Variants in RAB38 observed in about 807,000 individuals in gnomAD.
RAB38 encodes the protein ras-related protein Rab-38.
RAB38 carries 15 observed loss-of-function variants against 18.4 expected under a neutral mutation model. The observed-to-expected ratio is 0.82, with a 90% CI of 0.55 to 1.26. The LOEUF is 1.26. Among genes scored for constraint, RAB38 ranks in the 50% most tolerant of loss-of-function variants. RAB38 has a pLI of 0.00. For missense variants in RAB38, 294 were observed against 267.4 expected (o/e 1.10, Z -0.69); for synonymous variants, 101 against 104.4 (o/e 0.97, Z 0.20).
the RAB38 span, among the ~76,000 whole-genome samples, chr11:87,974,756 T>C: frequency 6.6e-3 from 1,007 of 151,548 alleles, 8 homozygotes; most frequent in African/African-American, 0.023. Flanking sequence ...AGAGGGATTA[T>C]TATATAAATT....
chr11:88,164,896 C>G (rs1183774911), intron 1 of RAB38, among the ~76,000 whole-genome samples: 5 of 152,032 alleles, frequency 3.3e-5, no homozygotes, highest in African/African-American at 1.2e-4. Context: ...TCTTTTTATT[C>G]TGATACCAAC....
the RAB38 span, among the ~76,000 whole-genome samples, chr11:87,885,081 G>A: frequency 1.1e-4 from 17 of 152,082 alleles, no homozygotes; most frequent in African/African-American, 4.1e-4. Flanking sequence ...TCTTCATGAT[G>A]ATTTCAACAT....
the RAB38 span, among the ~76,000 whole-genome samples, chr11:88,098,410 T>C: frequency 1.3e-5 from 2 of 151,934 alleles, no homozygotes; most frequent in South Asian, 4.1e-4. Flanking sequence ...AATAAAGTAA[T>C]GTAAGTAGAA....
At chr11:87,922,290 G>T in the RAB38 span, among the ~76,000 whole-genome samples, 1 of 151,938 alleles carries the variant, frequency 6.6e-6, no homozygotes, top group Non-Finnish European at 1.5e-5. Context: ...ACCCTCTAAC[G>T]AGGAGAATTC....
downstream of RAB38, among the ~76,000 whole-genome samples, chr11:88,109,731 A>G (rs939787514): frequency 2.0e-5 from 3 of 152,264 alleles, no homozygotes; most frequent in African/African-American, 7.2e-5. Flanking sequence ...ACTTCTCAAA[A>G]GAAGACATTT....
chr11:88,064,230 T>C, the RAB38 span, among the ~76,000 whole-genome samples: 3 of 152,230 alleles, frequency 2.0e-5, no homozygotes, highest in Non-Finnish European at 2.9e-5. Flanking sequence ...AAAAATGTGA[T>C]GCTCAAAAAG....
At chr11:87,971,877 C>T in the RAB38 span, among the ~76,000 whole-genome samples, 3 of 151,532 alleles carry the variant, frequency 2.0e-5, no homozygotes, top group Admixed American at 6.6e-5. Context: ...TGCACATGTT[C>T]ATTGCTATGC....
chr11:88,140,770 A>G (rs1942902147), intron 2 of RAB38, among the ~76,000 whole-genome samples: 2 of 152,212 alleles, frequency 1.3e-5, no homozygotes, highest in Non-Finnish European at 2.9e-5. Flanking sequence ...CAGAAAAAAA[A>G]TCTCACTATT....
the RAB38 span, among the ~76,000 whole-genome samples, chr11:88,069,244 C>T: frequency 3.0e-4 from 46 of 152,336 alleles, no homozygotes; most frequent in African/African-American, 9.4e-4. Context: ...CCAGCCCACC[C>T]GTGCTGTGCT....
At chr11:87,971,293 G>T in the RAB38 span, among the ~76,000 whole-genome samples, 8 of 152,136 alleles carry the variant, frequency 5.3e-5, no homozygotes, top group African/African-American at 1.9e-4. Context: ...GAATGCTGAA[G>T]TGTTGATGTA....
At chr11:87,838,108 T>G in the RAB38 span, among the ~76,000 whole-genome samples, 1 of 148,560 alleles carries the variant, frequency 6.7e-6, no homozygotes, top group Non-Finnish European at 1.5e-5. Flanking sequence ...TCTTTTTTTA[T>G]TTTTATTTTT....
chr11:88,004,979 G>C, the RAB38 span, among the ~76,000 whole-genome samples: 2 of 151,286 alleles, frequency 1.3e-5, no homozygotes, highest in African/African-American at 4.8e-5. Context: ...AGAAATTAAA[G>C]TATACCTAAA....
chr11:88,124,119 T>A (rs913317313), intron 2 of RAB38, among the ~76,000 whole-genome samples: 1 of 152,214 alleles, frequency 6.6e-6, no homozygotes, highest in Non-Finnish European at 1.5e-5. Context: ...TAAAAATGGA[T>A]GTGTTGATAA....
At chr11:87,890,217 A>C in the RAB38 span, among the ~76,000 whole-genome samples, 3 of 151,942 alleles carry the variant, frequency 2.0e-5, no homozygotes, top group Non-Finnish European at 4.4e-5. Context: ...TTCAGTGATC[A>C]TGTGATCCAG....
intron 1 of RAB38, among the ~76,000 whole-genome samples, chr11:88,159,883 A>G (rs972258977): frequency 6.6e-6 from 1 of 152,066 alleles, no homozygotes; most frequent in African/African-American, 2.4e-5. Flanking sequence ...AACCTAGAAG[A>G]AAACCTAGGA....
the RAB38 span, among the ~76,000 whole-genome samples, chr11:87,926,752 G>C: frequency 6.6e-6 from 1 of 152,148 alleles, no homozygotes; most frequent in Non-Finnish European, 1.5e-5. Flanking sequence ...CACAGGACCT[G>C]ACCGGCTAAT....
chr11:87,880,140 A>T, the RAB38 span: 1 of 151,760 alleles, frequency 6.6e-6, no homozygotes, highest in East Asian at 2.0e-4. Context: ...CTTGTTGACT[A>T]TTACTAGAAA....
the RAB38 span, among the ~76,000 whole-genome samples, chr11:87,881,266 C>A: frequency 6.6e-6 from 1 of 151,852 alleles, no homozygotes; most frequent in Non-Finnish European, 1.5e-5. Context: ...CCCTCATGTT[C>A]AGAGCCCAGG....
At chr11:88,051,730 T>A in the RAB38 span, among the ~76,000 whole-genome samples, 1 of 152,180 alleles carries the variant, frequency 6.6e-6, no homozygotes, top group Non-Finnish European at 1.5e-5. Flanking sequence ...TGTCCCAATA[T>A]GGAATTTTGA....
Sources: allele counts gnomAD v4.1 joint callset (sites outside exome capture counted in the v4.1 genomes callset), GRCh38; gene constraint gnomAD v4.1.1; transcripts MANE v1.5; gene names NCBI Gene and HGNC (gene_info 2026-07-23, HGNC 2026-07-21).